RAB11FIP4: variants seen among roughly 807,000 people sequenced by gnomAD.
RAB11FIP4 encodes the protein rab11 family-interacting protein 4.
In RAB11FIP4, 23 loss-of-function variants were observed where a neutral mutation model predicts 74.3. The ratio of observed to expected loss-of-function variants is 0.31; its 90% CI spans 0.22 to 0.44. The LOEUF (loss-of-function observed/expected upper bound fraction) is 0.44. Among genes scored for constraint, RAB11FIP4 ranks in the 20% least tolerant of loss-of-function variants. RAB11FIP4 has a pLI of 1.00. For missense variants in RAB11FIP4, 630 were observed against 863.9 expected (o/e 0.73, Z 3.39); for synonymous variants, 360 against 359.9 (o/e 1.00, Z 0.00).
intron 3 of RAB11FIP4, among the ~76,000 whole-genome samples, chr17:31,493,806 C>T (rs527543468): frequency 4.6e-5 from 7 of 152,316 alleles, no homozygotes; most frequent in African/African-American, 1.7e-4. Context: ...GGGCAGGCAG[C>T]AGCATGGTTC....
chr17:31,506,907 T>G (rs8068472), intron 3 of RAB11FIP4, among the ~76,000 whole-genome samples: 4,765 of 152,330 alleles, frequency 0.031, 233 homozygotes, highest in African/African-American at 0.11. Flanking sequence ...ACCTAGTAGA[T>G]GAATTGTTGG....
At chr17:31,494,919 G>A (rs1046195583) in intron 3 of RAB11FIP4, among the ~76,000 whole-genome samples, 2 of 152,242 alleles carry the variant, frequency 1.3e-5, no homozygotes, top group South Asian at 2.1e-4. Flanking sequence ...CCCAGGTTCA[G>A]TGAGGGAGAC....
chr17:31,515,910 A>T (rs536360701), intron 3 of RAB11FIP4, among the ~76,000 whole-genome samples: 2 of 152,246 alleles, frequency 1.3e-5, no homozygotes, highest in African/African-American at 2.4e-5. Flanking sequence ...TGTCTTTATC[A>T]CACACTGTCA....
intron 1 of RAB11FIP4, among the ~76,000 whole-genome samples, chr17:31,397,857 A>G (rs1268509896): frequency 6.7e-6 from 1 of 149,428 alleles, no homozygotes; most frequent in East Asian, 2.0e-4. Context: ...CATCCATCTT[A>G]TCAGACACGC....
chr17:31,510,963 A>G (rs1367064249), intron 3 of RAB11FIP4, among the ~76,000 whole-genome samples: 1 of 152,178 alleles, frequency 6.6e-6, no homozygotes, highest in Non-Finnish European at 1.5e-5. Context: ...TTGAAGCTGC[A>G]GTGAGCTGTG....
At chr17:31,431,571 G>C in intron 1 of RAB11FIP4, 1 of 303,956 alleles carries the variant, frequency 3.3e-6, no homozygotes, top group South Asian at 4.6e-5. Context: ...CTGAAGCCGT[G>C]TGCTCAGGGA....
intron 3 of RAB11FIP4, among the ~76,000 whole-genome samples, chr17:31,497,466 T>G (rs899366762): frequency 2.0e-5 from 3 of 152,126 alleles, no homozygotes; most frequent in African/African-American, 7.2e-5. Flanking sequence ...GGAGGAGTTC[T>G]GGGCAGGGGG....
rs1388068415 is a variant in RAB11FIP4, at chr17:31,485,139, A to G, written c.337-32512A>G. Among the ~76,000 whole-genome samples the G allele has an allele frequency of 4.6e-5, 7 of 152,350 alleles. No individual in the cohort carries two copies. The East Asian group carries it at 1.3e-3, about 29-fold the overall frequency. ...TGAAACTTCACAACTGCAAGAGGAAATGTCTTATTTCCATTTTCTAGAGGT... is the reference window on the plus strand; with the variant it reads ...TGAAACTTCACAACTGCAAGAGGAAGTGTCTTATTTCCATTTTCTAGAGGT... On this transcript the variant is annotated intron_variant, in intron 3 of 14. Coordinates refer to ENST00000621161, the MANE Select transcript of RAB11FIP4 (RefSeq NM_032932.6).
intron 3 of RAB11FIP4, among the ~76,000 whole-genome samples, chr17:31,452,999 T>C (rs1177294612): frequency 6.6e-6 from 1 of 151,930 alleles, no homozygotes; most frequent in East Asian, 1.9e-4. Context: ...CAAGCTTTGG[T>C]TTCAGGAGTA....
rs9912836 is a variant in RAB11FIP4, at chr17:31,512,827, C to T, written c.337-4824C>T. Among the ~76,000 whole-genome samples, 5,198 of 151,872 alleles carry T rather than the reference C, an allele frequency of 0.034. 273 individuals carry two copies. The highest frequency in any genetic ancestry group is 0.12 in the African/African-American group (4,902 of 41,330). ...GTAGGGTCCCTGGGTGGTGACTGGACGGCCGTGTGTGGACTCCTTTTTCAC... is the reference window on the plus strand; with the variant it reads ...GTAGGGTCCCTGGGTGGTGACTGGATGGCCGTGTGTGGACTCCTTTTTCAC... On this transcript the variant is annotated intron_variant, in intron 3 of 14. Coordinates refer to ENST00000621161, the MANE Select transcript of RAB11FIP4 (RefSeq NM_032932.6). The surrounding 1 kb of genome is among the most constrained non-coding windows in gnomAD (Gnocchi z 4.1).
At chr17:31,528,049 T>C in intron 11 of RAB11FIP4, 126 bp downstream of exon 11, 2 of 712,118 alleles carry the variant, frequency 2.8e-6, no homozygotes, top group Non-Finnish European at 4.7e-6. Flanking sequence ...TAACAACTTG[T>C]GTTTCTGTAT....
At position 31,528,762 on chromosome 17, in the gene RAB11FIP4, T is replaced by A; in HGVS notation, c.1637T>A (p.Val546Asp). The change falls in exon 13 of 15, where the codon GTC (valine) becomes GAC (aspartate). Residue 546 changes from valine to aspartate, a missense_variant. Val to Asp is a radical substitution (Grantham distance 152). Transcript: ENST00000621161. ...RAREVELEHEVKRLKQENYKL... is the reference protein window; with the variant it reads ...RAREVELEHEDKRLKQENYKL... ...CGCGAGGTGGAGCTCGAGCACGAGG[T>A]CAAGCGGCTCAAGCAGGTGGGTCTA... 1 of 1,609,024 alleles carries A rather than the reference T, an allele frequency of 6.2e-7. No individual in the cohort carries two copies. Among genetic ancestry groups the A allele is most frequent in the Non-Finnish European group, 8.5e-7 (1 of 1,178,700 alleles).
intron 3 of RAB11FIP4, among the ~76,000 whole-genome samples, chr17:31,491,884 C>G (rs1302838632): frequency 6.6e-6 from 1 of 152,214 alleles, no homozygotes; most frequent in African/African-American, 2.4e-5. Flanking sequence ...ACAGACTTCC[C>G]TGCCCTCAGC....
At chr17:31,425,033 T>C (rs1217811359) in intron 1 of RAB11FIP4, among the ~76,000 whole-genome samples, 2 of 152,246 alleles carry the variant, frequency 1.3e-5, no homozygotes, top group African/African-American at 4.8e-5. Flanking sequence ...GCAATTATTT[T>C]AGCAGAAATA....
At chr17:31,491,657 G>T (rs1052960611) in intron 3 of RAB11FIP4, among the ~76,000 whole-genome samples, 1 of 152,178 alleles carries the variant, frequency 6.6e-6, no homozygotes, top group Non-Finnish European at 1.5e-5. Flanking sequence ...GGGCTGGGGG[G>T]ACAGGGGACA....
At chr17:31,400,531 G>A (rs1480825086) in intron 1 of RAB11FIP4, among the ~76,000 whole-genome samples, 3 of 152,230 alleles carry the variant, frequency 2.0e-5, no homozygotes, top group African/African-American at 2.4e-5. Flanking sequence ...TGGCTGCTGT[G>A]TGGCTCCTCG....
chr17:31,452,432 T>C (rs545770230), intron 3 of RAB11FIP4, among the ~76,000 whole-genome samples: 1 of 152,268 alleles, frequency 6.6e-6, no homozygotes, highest in Admixed American at 6.5e-5. Context: ...GGTGCCTGGA[T>C]TCTCTGAGAC....
intron 3 of RAB11FIP4, among the ~76,000 whole-genome samples, chr17:31,475,942 A>G (rs2071787730): frequency 6.6e-6 from 1 of 152,138 alleles, no homozygotes; most frequent in African/African-American, 2.4e-5. Flanking sequence ...CATGAGCTAC[A>G]GTGAGTTCAA....
chr17:31,529,094 C>CTTT (rs10701171), intron 13 of RAB11FIP4, among the ~76,000 whole-genome samples: 61 of 133,610 alleles, frequency 4.6e-4, no homozygotes, highest in African/African-American at 9.0e-4. Flanking sequence ...CCCAAGGTTC[C>CTTT]TTTTTTTTTT....
Sources: gnomAD v4.1 joint callset for allele counts (sites outside exome capture counted in the v4.1 genomes callset) on GRCh38, gnomAD v4.1.1 for gene constraint, Gnocchi (gnomAD v3.1) non-coding constraint, MANE v1.5 for transcripts, NCBI Gene and HGNC (gene_info 2026-07-23, HGNC 2026-07-21) for gene names.